Variants in RHBDD1 observed in about 807,000 individuals in gnomAD.
RHBDD1 encodes the protein rhomboid-related protein 4.
In RHBDD1, 38 loss-of-function variants were observed where a neutral mutation model predicts 36.3. That is an observed-to-expected ratio of 1.05 (90% CI 0.81 to 1.37). RHBDD1 has a LOEUF of 1.37. RHBDD1 is among the 40% of genes most tolerant of loss of function. RHBDD1 has a pLI of 0.00. For synonymous variants in RHBDD1, 151 were observed against 136.5 expected, an observed-to-expected ratio of 1.11 and a Z score of -0.74; for missense variants, 393 against 377.6, an observed-to-expected ratio of 1.04 and a Z score of -0.34.
chr2:226,877,066 G>GAC (rs1945297003), intron 5 of RHBDD1, among the ~76,000 whole-genome samples: 1 of 152,148 alleles, frequency 6.6e-6, no homozygotes, highest in East Asian at 1.9e-4. Context: ...GGGTAAGAGG[G>GAC]ATTGTTTTAG....
chr2:226,936,709 C>T (rs893551990), intron 8 of RHBDD1, among the ~76,000 whole-genome samples: 6 of 152,026 alleles, frequency 3.9e-5, no homozygotes, highest in African/African-American at 1.4e-4. Context: ...TGCTCAGTAC[C>T]GTCATTCATT....
chr2:226,844,495 G>C (rs2125012679), intron 3 of RHBDD1, among the ~76,000 whole-genome samples: 1 of 152,314 alleles, frequency 6.6e-6, no homozygotes, highest in South Asian at 2.1e-4. Context: ...TTGTTGTGCA[G>C]GGAAGACTTG....
At chr2:226,883,383 A>G (rs987011845) in intron 5 of RHBDD1, among the ~76,000 whole-genome samples, 1 of 152,256 alleles carries the variant, frequency 6.6e-6, no homozygotes, top group Admixed American at 6.5e-5. Flanking sequence ...AGACATTTCT[A>G]TACCAACCAG....
rs372957465 is a variant in RHBDD1 at position 226,896,967 on chromosome 2, TA to T, written c.567-9824del. 2.1e-4 allele frequency among the ~76,000 whole-genome samples: 32 copies of T among 152,206 alleles called. No individual in the cohort carries two copies. The South Asian group carries it at 6.6e-3, about 32-fold the overall frequency. Reference sequence around the variant, plus strand: ...ACAGGCACGTGCCACCATGCCTGGCTAATCTTTGTATTTTCAGTAGAGATGG... The same window carrying T: ...ACAGGCACGTGCCACCATGCCTGGCTATCTTTGTATTTTCAGTAGAGATGG... On this transcript the variant is annotated intron_variant, in intron 5 of 8. Transcript: ENST00000392062.
the RHBDD1 span, among the ~76,000 whole-genome samples, chr2:226,812,775 G>C: frequency 1.3e-5 from 2 of 152,010 alleles, no homozygotes. Context: ...CATATTGCTT[G>C]TTTTGTTTTG....
chr2:226,993,430 C>A (rs779050202), intron 8 of RHBDD1, among the ~76,000 whole-genome samples: 41 of 152,144 alleles, frequency 2.7e-4, no homozygotes, highest in Admixed American at 4.6e-4. Flanking sequence ...TAAGACCAGT[C>A]TTTTTAAAAA....
At chr2:226,975,446 GGGA>G (rs1426499907) in intron 8 of RHBDD1, among the ~76,000 whole-genome samples, 3 of 152,164 alleles carry the variant, frequency 2.0e-5, no homozygotes, top group African/African-American at 7.2e-5. Context: ...CATGGGGTGA[GGGA>G]GGGCCCCACT....
At chr2:226,927,264 C>A (rs1470220051) in intron 8 of RHBDD1, among the ~76,000 whole-genome samples, 1 of 151,954 alleles carries the variant, frequency 6.6e-6, no homozygotes, top group Non-Finnish European at 1.5e-5. Context: ...TCATCTCTTT[C>A]TATTAACTAT....
intron 3 of RHBDD1, among the ~76,000 whole-genome samples, chr2:226,846,479 C>T (rs1033419725): frequency 6.6e-6 from 1 of 152,142 alleles, no homozygotes; most frequent in Non-Finnish European, 1.5e-5. Context: ...TACAGTGTCT[C>T]ACGCCTGTAA....
intron 5 of RHBDD1, among the ~76,000 whole-genome samples, chr2:226,867,978 A>G (rs1262123241): frequency 2.0e-5 from 3 of 152,152 alleles, no homozygotes; most frequent in Admixed American, 1.3e-4. Flanking sequence ...TGGCCTCCCA[A>G]AGTGCTGGGA....
chr2:226,987,367 G>T lies in RHBDD1; in HGVS notation c.857-8064G>T, dbSNP rs148285105. On this transcript the variant is annotated intron_variant, in intron 8 of 8. Transcript: ENST00000392062. Reference sequence around the variant, plus strand: ...AAAAAAAAAATTGGGATGGGAGGACGGCACTGAAGAGAGACAAAATGTGTT... The same window carrying T: ...AAAAAAAAAATTGGGATGGGAGGACTGCACTGAAGAGAGACAAAATGTGTT... 5.4e-3 allele frequency among the ~76,000 whole-genome samples: 827 copies of T among 152,250 alleles called. 10 individuals carry two copies. Among genetic ancestry groups the T allele is most frequent in the African/African-American group, 0.019 (797 of 41,532 alleles).
chr2:226,988,361 A>G, intron 8 of RHBDD1: 1 of 1,550,258 alleles, frequency 6.5e-7, no homozygotes, highest in Non-Finnish European at 8.7e-7. Context: ...GACAATGGCA[A>G]GTCTCCTGGA....
intron 8 of RHBDD1, among the ~76,000 whole-genome samples, chr2:226,947,447 G>A (rs531205902): frequency 6.6e-6 from 1 of 151,874 alleles, no homozygotes; most frequent in Non-Finnish European, 1.5e-5. Context: ...GCTCTGTTCT[G>A]TTCCATTGAT....
At chr2:226,852,208 C>G (rs1016977481) in intron 3 of RHBDD1, among the ~76,000 whole-genome samples, 1 of 152,184 alleles carries the variant, frequency 6.6e-6, no homozygotes, top group African/African-American at 2.4e-5. Context: ...ACCTGCATTT[C>G]TGAGGCTTAG....
intron 8 of RHBDD1, among the ~76,000 whole-genome samples, chr2:226,952,247 AGAAGGTAGTG>A (rs1265217266): frequency 1.3e-5 from 2 of 151,146 alleles, no homozygotes; most frequent in East Asian, 3.9e-4. Context: ...AAGCTGTAGC[AGAAGGTAGTG>A]GGTGCTTCCT....
chr2:226,801,099 C>T, the RHBDD1 span, among the ~76,000 whole-genome samples: 1 of 152,342 alleles, frequency 6.6e-6, no homozygotes, highest in Middle Eastern at 3.4e-3. Context: ...GGGTTGCCGC[C>T]CCTTTACTAC....
intron 8 of RHBDD1, among the ~76,000 whole-genome samples, chr2:226,917,935 C>A (rs1034052842): frequency 1.3e-5 from 2 of 151,876 alleles, no homozygotes; most frequent in African/African-American, 4.8e-5. Context: ...GAATATAGGA[C>A]TTTCTAAACA....
intron 8 of RHBDD1, among the ~76,000 whole-genome samples, chr2:226,919,287 GTTGA>G (rs1173129389): frequency 6.6e-6 from 1 of 152,040 alleles, no homozygotes; most frequent in Non-Finnish European, 1.5e-5. Flanking sequence ...TCTTCACTTT[GTTGA>G]TTGTTTCCTT....
chr2:226,973,581 G>T (rs1953984448), intron 8 of RHBDD1, among the ~76,000 whole-genome samples: 2 of 152,182 alleles, frequency 1.3e-5, no homozygotes, highest in South Asian at 2.1e-4. Context: ...TCTCTTCCCT[G>T]CCTAGTCCCC....
Sources: allele counts gnomAD v4.1 joint callset (sites outside exome capture counted in the v4.1 genomes callset), GRCh38; gene constraint gnomAD v4.1.1; transcripts MANE v1.5; gene names NCBI Gene and HGNC (gene_info 2026-07-23, HGNC 2026-07-21).